Variants in ATG9B observed in about 807,000 individuals in gnomAD.
The protein encoded by ATG9B is autophagy related 9B.
A neutral mutation model predicts 92.9 loss-of-function variants in ATG9B; 92 were observed. The ratio of observed to expected loss-of-function variants is 0.99; its 90% confidence interval spans 0.84 to 1.18. The LOEUF is 1.18. Among genes scored for constraint, ATG9B ranks in the 50% most tolerant of loss-of-function variants. ATG9B has a pLI of 0.00. For missense variants in ATG9B, 1,344 were observed against 1,235.0 expected, an observed-to-expected ratio of 1.09 and a Z score of -1.32; for synonymous variants, 599 against 551.4, an observed-to-expected ratio of 1.09 and a Z score of -1.21.
Position 151,024,413 on chromosome 7 carries a change from C to A in ATG9B, c.11G>T (p.Arg4Leu), listed in dbSNP as rs375373377. 2 of 1,361,962 alleles carry A rather than the reference C, an allele frequency of 1.5e-6. No individual in the cohort carries two copies. Among genetic ancestry groups the A allele is most frequent in the East Asian group, 5.5e-5 (2 of 36,616 alleles). The allele number at this position is 1,361,962 out of a possible 1,614,324, so 84.4% of individuals were successfully genotyped here. Residue 4 changes from arginine to leucine, a missense_variant, in exon 1 of 14, where the codon CGA becomes CTA. Coordinates refer to ENST00000639579, the MANE Select transcript of ATG9B (RefSeq NM_001317056.2). ...CCTTCTTCTCCCCCCCCAGCCCATTCGGCTCACCATCAGGCCACGGCTTCT... is the reference window on the plus strand; with the variant it reads ...CCTTCTTCTCCCCCCCCAGCCCATTAGGCTCACCATCAGGCCACGGCTTCT... MVS[R>L]MGWGGRRRRL...
intron 5 of ATG9B, 151 bp downstream of exon 5, chr7:151,021,037 T>G: frequency 3.4e-6 from 3 of 892,652 alleles, no homozygotes; most frequent in Non-Finnish European, 5.2e-6. Flanking sequence ...CCTCCTGACA[T>G]TATTCTGGGC....
chr7:151,014,088 C>G (rs779840976), downstream of ATG9B: 1 of 1,613,852 alleles, frequency 6.2e-7, no homozygotes, highest in East Asian at 2.2e-5. Flanking sequence ...GCACCCAGAG[C>G]TTTTCCTTGC....
intron 8 of ATG9B, 131 bp downstream of exon 8, chr7:151,017,740 G>T: frequency 8.7e-7 from 1 of 1,149,524 alleles, no homozygotes; most frequent in Non-Finnish European, 1.2e-6. Context: ...CGAGAGCACA[G>T]GAAGGGAAGT....
chr7:151,016,788 G>C lies in ATG9B; in HGVS notation c.2323C>G (p.Pro775Ala). 6.2e-7 allele frequency: 1 copy of C among 1,611,818 alleles called. No homozygotes were observed. Among genetic ancestry groups the C allele is most frequent in the Non-Finnish European group, 8.5e-7 (1 of 1,179,248 alleles). ...CTCAGATCTCTCGGAGGCAGGAGAG[G>C]GTGCACGAAGAGGTTGGCCAGGAAG... ...EAFLANLFVH[P>A]LLPPRDLSPT... The change falls in exon 10 of 14, where the codon CCT becomes GCT. Residue 775 changes from proline to alanine, a missense_variant. By Grantham distance (27) the Pro-to-Ala change is conservative. Transcript: ENST00000639579.
downstream of ATG9B, chr7:151,013,217 G>T: frequency 4.4e-6 from 7 of 1,608,582 alleles, no homozygotes; most frequent in Non-Finnish European, 5.9e-6. Context: ...TCCCAAGCGC[G>T]GGGTTGCTTG....
Position 151,018,652 on chromosome 7 carries a change from C to T in ATG9B, c.1686G>A (p.Met562Ile). ...CGGTGGCGGTGACCCCGAGCGCGGT[C>T]ATGGCGGTGAGCACGTGCTCCACGG... The part of the protein sequence containing the change: ...VLAVEHVLTA[M>I]TALGVTATVA... The change falls in exon 6 of 14, where the codon ATG becomes ATA. Residue 562 changes from methionine to isoleucine, a missense_variant. Met to Ile is a conservative substitution (Grantham distance 10). Transcript: ENST00000639579. This position sits in a 1 kb window ranked among gnomAD's most constrained non-coding sequence, Gnocchi z 4.7. 1 of 1,607,530 alleles carries T rather than the reference C, an allele frequency of 6.2e-7. No individual in the cohort carries two copies. The highest frequency in any genetic ancestry group is 8.5e-7 in the Non-Finnish European group (1 of 1,179,032).
At position 151,023,041 on chromosome 7, in the gene ATG9B, T is replaced by C; in HGVS notation, c.821+4A>G. 6.2e-7 allele frequency: 1 copy of C among 1,614,048 alleles called. No individual in the cohort carries two copies. Among genetic ancestry groups the C allele is most frequent in the African/African-American group, 1.3e-5 (1 of 74,982 alleles). ...CCCCAGGGCCCCACCAGGTTGTCAC[T>C]AACCTCTCAGCACACTGGGCTGAGG... On this transcript the variant is annotated splice_donor_region_variant and intron_variant, in intron 4 of 13. Transcript: ENST00000639579.
rs1256509179 is a variant in ATG9B, at chr7:151,018,039, C to G, written c.1884G>C (p.Leu628=). 6.3e-7 allele frequency: 1 copy of G among 1,586,586 alleles called. No individual in the cohort carries two copies. Among genetic ancestry groups the G allele is most frequent in the Non-Finnish European group, 8.6e-7 (1 of 1,165,776 alleles). The change falls in exon 8 of 14, where the codon CTG becomes CTC. Residue 628 remains leucine, a synonymous_variant. Coordinates refer to ENST00000639579, the MANE Select transcript of ATG9B (RefSeq NM_001317056.2). The surrounding 1 kb of genome is among the most constrained non-coding windows in gnomAD (Gnocchi z 4.7). ...TGAGGAGCGGGGACAGGAGCTCCTC[C>G]AGGAGGGAGACCTGGGGAAGCAGCG... is the stretch of plus-strand genomic sequence containing the variant. ...QLLQYRAVSL[L]EELLSPLLTP...
chr7:151,016,603 C>T lies in ATG9B; in HGVS notation c.2424-76G>A, dbSNP rs577262936. On this transcript the variant is annotated intron_variant, in intron 10 of 13. Transcript: ENST00000639579. ...CCCCAGAGGACTCCCCTTCTGAATC[C>T]CCCCTCAGCGCCCCAGCTCCCCACT... 845 of 1,544,476 alleles carry T rather than the reference C, an allele frequency of 5.5e-4. 1 individual carries two copies. Among genetic ancestry groups the T allele is most frequent in the Non-Finnish European group, 6.9e-4 (785 of 1,144,082 alleles).
intron 8 of ATG9B, 62 bp from the exon 9 acceptor site, chr7:151,017,334 C>G (rs936137150): frequency 8.9e-6 from 13 of 1,453,774 alleles, no homozygotes; most frequent in Non-Finnish European, 1.2e-5. Flanking sequence ...ACAGGTGGGA[C>G]AGGAAACACT....
Position 151,024,220 on chromosome 7 carries a change from AG to A in ATG9B, c.203del (p.Pro68LeufsTer38). ...CTGAGCAAGGGGGCCCTGCGGTGGG[AG>A]GGGAAAATGAGGAGGGGGAGCTTCT... ...HTRSSPSSFS[P>X]PTAGPPCSVL... On this transcript the variant is annotated frameshift_variant, in exon 1 of 14. Coordinates refer to ENST00000639579, the MANE Select transcript of ATG9B (RefSeq NM_001317056.2). LOFTEE classifies it high-confidence loss of function. The A allele has an allele frequency of 6.8e-7, 1 of 1,478,412 alleles. No individual in the cohort carries two copies. Among genetic ancestry groups the A allele is most frequent in the Non-Finnish European group, 9.0e-7 (1 of 1,111,764 alleles). The allele number at this position is 1,478,412 out of a possible 1,614,324, so 91.6% of individuals were successfully genotyped here.
chr7:151,021,362 A>T, intron 4 of ATG9B, 33 bp from the exon 5 acceptor site: 2 of 1,547,706 alleles, frequency 1.3e-6, no homozygotes, highest in South Asian at 1.2e-5. Flanking sequence ...TGGGGGAGAA[A>T]GGTGGGCGCC....
chr7:151,014,075 T>A, downstream of ATG9B: 2 of 1,613,922 alleles, frequency 1.2e-6, no homozygotes, highest in Non-Finnish European at 1.7e-6. Flanking sequence ...ACAAGCCGCA[T>A]ACGCACCCAG....
chr7:151,016,649 C>A lies in ATG9B; in HGVS notation c.2423+39G>T, dbSNP rs548460807. ...CCACTCCTACAGGATCAGCCCACCC[C>A]CCTCCACATGCCCCTGCATCTCAGC... On this transcript the variant is annotated intron_variant, in intron 10 of 13. Transcript: ENST00000639579. 4.0e-5 allele frequency: 62 copies of A among 1,549,876 alleles called. No homozygotes were observed. In the African/African-American group the frequency reaches 8.3e-4, roughly 21 times the overall value.
chr7:151,016,200 AC>A lies in ATG9B; in HGVS notation c.2555del (p.Gly852ValfsTer58). The part of the protein sequence containing the change: ...HQQQQQQEPW[G>X]EAAASILSRP... ...TGGACAGGATGGAGGCTGCAGCCTC[AC>A]CCCACGGCTCCTGCTGCTGCTGCTG... is the stretch of plus-strand genomic sequence containing the variant. On this transcript the variant is annotated frameshift_variant, in exon 12 of 14. Coordinates refer to ENST00000639579, the MANE Select transcript of ATG9B (RefSeq NM_001317056.2). LOFTEE classifies it high-confidence loss of function. 2 of 1,512,428 alleles carry A rather than the reference AC, an allele frequency of 1.3e-6. No homozygotes were observed. The highest frequency in any genetic ancestry group is 2.2e-5 in the Admixed American group (1 of 46,452). 93.7% of individuals were successfully genotyped at this position (1,512,428 alleles called of 1,614,324 possible). A position where few individuals can be genotyped will look rare whatever the true frequency, so the allele number is the denominator to read the frequency against.
downstream of ATG9B, chr7:151,013,194 C>T (rs113526171): frequency 9.4e-6 from 15 of 1,592,446 alleles, no homozygotes; most frequent in African/African-American, 8.0e-5. Context: ...CACTGTGCCC[C>T]GGAGAAGAGC....
Position 151,018,388 on chromosome 7 carries a change from G to C in ATG9B, c.1778C>G (p.Ala593Gly). Residue 593 changes from alanine to glycine, a missense_variant, in exon 7 of 14, where the codon GCC (alanine) becomes GGC (glycine). Transcript: ENST00000639579. This position sits in a 1 kb window ranked among gnomAD's most constrained non-coding sequence, Gnocchi z 4.7. ...GRAPQLLLQTALAHMHYLPEE... is the reference protein window; with the variant it reads ...GRAPQLLLQTGLAHMHYLPEE... ...CGGGAGGTAGTGCATGTGGGCCAGG[G>C]CTGTCTGCAGCAGGAGCTGCGGCGC... 3.8e-6 allele frequency: 6 copies of C among 1,582,960 alleles called. No homozygotes were observed. The South Asian group carries it at 6.9e-5, about 18-fold the overall frequency.
chr7:151,016,198 T>TC lies in ATG9B; in HGVS notation c.2557dup (p.Glu853GlyfsTer21), dbSNP rs1795474472. The stretch of plus-strand genomic sequence containing the variant: ...CCTGGACAGGATGGAGGCTGCAGCC[T>TC]CACCCCACGGCTCCTGCTGCTGCTG... On this transcript the variant is annotated frameshift_variant, in exon 12 of 14. Transcript: ENST00000639579. LOFTEE classifies it high-confidence loss of function. 1.3e-6 allele frequency: 2 copies of TC among 1,516,924 alleles called. No individual in the cohort carries two copies. The highest frequency in any genetic ancestry group is 2.1e-5 in the Admixed American group (1 of 47,192). The allele number at this position is 1,516,924 out of a possible 1,614,324, so 94.0% of individuals were successfully genotyped here.
rs754911445 is a variant in ATG9B at position 151,021,269 on chromosome 7, G to T, written c.882C>A (p.Val294=). ...LLVLAAGFWL[V]QLLRSVCNLF... Reference sequence around the variant, plus strand: ...GGTTGCAGACTGAGCGAAGCAGTTGGACCAGCCAGAAGCCGGCAGCCAGGA... The same window carrying T: ...GGTTGCAGACTGAGCGAAGCAGTTGTACCAGCCAGAAGCCGGCAGCCAGGA... Residue 294 remains valine, a synonymous_variant, in exon 5 of 14, where the codon GTC becomes GTA. Transcript: ENST00000639579. 2.5e-6 allele frequency: 4 copies of T among 1,613,224 alleles called. No homozygotes were observed. Among genetic ancestry groups the T allele is most frequent in the Admixed American group, 1.7e-5 (1 of 59,982 alleles).
Sources: gnomAD v4.1 joint callset for allele counts on GRCh38, gnomAD v4.1.1 for gene constraint, Gnocchi (gnomAD v3.1) non-coding constraint, MANE v1.5 for transcripts, NCBI Gene and HGNC (gene_info 2026-07-23, HGNC 2026-07-21) for gene names.